The following BAIAP3 variants were observed in gnomAD, a reference collection of about 807,000 sequenced individuals.
The protein encoded by BAIAP3 is BAI1-associated protein 3.
Under a neutral mutation model 149.7 loss-of-function variants are expected in BAIAP3, and 180 were observed. The ratio of observed to expected loss-of-function variants is 1.20; its 90% CI spans 1.07 to 1.36. The LOEUF is 1.36. BAIAP3 is among the 40% of genes most tolerant of loss of function. BAIAP3 has a pLI of 0.00. For synonymous variants in BAIAP3, 845 were observed against 670.7 expected (o/e 1.26, Z -4.02); for missense variants, 1,767 against 1,563.4 (o/e 1.13, Z -2.20).
At chr16:1,339,637 C>T (rs369732219) in intron 5 of BAIAP3, 34 bp downstream of exon 5, 1 of 1,544,532 alleles carries the variant, frequency 6.5e-7, no homozygotes, top group African/African-American at 1.4e-5. Flanking sequence ...CAGACCCTGA[C>T]AGCTTCCCCA....
chr16:1,348,324 G>T (rs373976989), intron 33 of BAIAP3, 23 bp downstream of exon 33: 6 of 1,602,840 alleles, frequency 3.7e-6, no homozygotes, highest in East Asian at 4.5e-5. Context: ...CTGGGTGGAG[G>T]CAGGGGCAGC....
At chr16:1,339,059 C>G (rs2033670748) in intron 3 of BAIAP3, 70 bp downstream of exon 3, 1 of 1,602,492 alleles carries the variant, frequency 6.2e-7, no homozygotes, top group Non-Finnish European at 8.5e-7. Flanking sequence ...CCTCCCCGCT[C>G]CCTCCTGCCC....
At chr16:1,347,469 C>T (rs146389519) in intron 29 of BAIAP3, 76 bp from the exon 30 acceptor site, 264 of 1,577,932 alleles carry the variant, frequency 1.7e-4, no homozygotes, top group Admixed American at 2.4e-4. Flanking sequence ...GGTGGCCCCA[C>T]GGGCAGTCAG....
intron 1 of BAIAP3, chr16:1,336,289 C>T (rs1448872503): frequency 3.0e-6 from 3 of 985,286 alleles, no homozygotes; most frequent in Non-Finnish European, 3.6e-6. Flanking sequence ...GAGGATTTCA[C>T]GACTGGCTGT....
rs1401624755 is a variant in BAIAP3, at chr16:1,348,249, T to C, written c.3303T>C (p.Gly1101=). The change falls in exon 33 of 34, where the codon GGT becomes GGC. Residue 1101 remains glycine, a synonymous_variant. Transcript: ENST00000426824. The part of the protein sequence containing the change: ...TGVARPQVGG[G]ARAGQPVTLH... ...TCGCCCGGCCCCAGGTGGGCGGGGG[T>C]GCAAGGGCTGGGCAGCCTGTCACCC... 3.1e-6 allele frequency: 5 copies of C among 1,602,956 alleles called. No homozygotes were observed. Among genetic ancestry groups the C allele is most frequent in the Non-Finnish European group, 4.2e-6 (5 of 1,177,166 alleles).
rs1157675544 is a variant in BAIAP3, at chr16:1,339,169, C to G, written c.225C>G (p.Pro75=). The change falls in exon 4 of 34, where the codon CCC becomes CCG. Residue 75 remains proline, a synonymous_variant. Coordinates refer to ENST00000426824, the MANE Select transcript of BAIAP3 (RefSeq NM_001199097.2). The part of the protein sequence containing the change: ...GRQGLPCLEV[P]LRSGSPAPPE... ...ACCCTGGGCCCCACACACAGGTCCC[C>G]CTGCGCAGTGGCTCGCCAGCACCCC... 7.0e-6 allele frequency: 11 copies of G among 1,567,614 alleles called. No homozygotes were observed. The highest frequency in any genetic ancestry group is 8.6e-6 in the Non-Finnish European group (10 of 1,157,780).
At chr16:1,347,214 T>C in intron 28 of BAIAP3, 84 bp from the exon 29 acceptor site, 2 of 1,387,222 alleles carry the variant, frequency 1.4e-6, no homozygotes, top group South Asian at 1.3e-5. Context: ...CAGTGCTGCC[T>C]GGGCCCCTTT....
chr16:1,348,322 A>G (rs746202354), intron 33 of BAIAP3, 21 bp downstream of exon 33: 4 of 1,602,520 alleles, frequency 2.5e-6, no homozygotes, highest in Non-Finnish European at 3.4e-6. Context: ...ATCTGGGTGG[A>G]GGCAGGGGCA....
intron 1 of BAIAP3, among the ~76,000 whole-genome samples, chr16:1,334,204 C>G (rs1001664231): frequency 6.6e-6 from 1 of 152,022 alleles, no homozygotes; most frequent in South Asian, 2.1e-4. Context: ...CCCGCAGGTC[C>G]TCGTAAGGCC....
chr16:1,336,351 C>A (rs538849642), intron 1 of BAIAP3: 4 of 985,412 alleles, frequency 4.1e-6, no homozygotes, highest in Non-Finnish European at 4.8e-6. Flanking sequence ...GCCCCCCCAT[C>A]TTTTGGGGGG....
chr16:1,346,334 C>G lies in BAIAP3; in HGVS notation c.2466C>G (p.His822Gln). ...ALDDDLQREA[H>Q]TVTAHLTSKM... ...ACGATGATCTGCAACGGGAGGCCCA[C>G]ACGGTGACAGCGCACCTGACCTCTA... Residue 822 changes from histidine to glutamine, a missense_variant, in exon 25 of 34, where the codon CAC (histidine) becomes CAG (glutamine). Coordinates refer to ENST00000426824, the MANE Select transcript of BAIAP3 (RefSeq NM_001199097.2). The G allele has an allele frequency of 6.2e-7, 1 of 1,604,684 alleles. No homozygotes were observed. Among genetic ancestry groups the G allele is most frequent in the Non-Finnish European group, 8.5e-7 (1 of 1,173,540 alleles).
Position 1,344,456 on chromosome 16 carries a change from G to C in BAIAP3, c.1603-13G>C. ...TGCAATCCACCATGCTGTCTTGGTGGTGTCTGTTGCAGAGAGGCAACCGTG... is the reference window on the plus strand; with the variant it reads ...TGCAATCCACCATGCTGTCTTGGTGCTGTCTGTTGCAGAGAGGCAACCGTG... On this transcript the variant is annotated splice_polypyrimidine_tract_variant and intron_variant, in intron 17 of 33. Coordinates refer to ENST00000426824, the MANE Select transcript of BAIAP3 (RefSeq NM_001199097.2). The C allele has an allele frequency of 6.2e-7, 1 of 1,613,454 alleles. No homozygotes were observed. The highest frequency in any genetic ancestry group is 2.2e-5 in the East Asian group (1 of 44,876).
At chr16:1,334,735 C>T (rs1187272526) in intron 1 of BAIAP3, 2 of 1,552,962 alleles carry the variant, frequency 1.3e-6, no homozygotes, top group Admixed American at 1.9e-5. Flanking sequence ...ATCGGCTTCG[C>T]AGGGGCCATC....
chr16:1,347,580 C>T lies in BAIAP3; in HGVS notation c.2859C>T (p.Ser953=). The change falls in exon 30 of 34, where the codon TCC becomes TCT. Residue 953 remains serine, a synonymous_variant. Transcript: ENST00000426824. ...LKEELRLHKC[S]TRECIEQFYL... ...AGGAGCTGCGGCTGCACAAATGTTCCACCCGCGAGTGCATCGAGCAGTTCT... is the reference window on the plus strand; with the variant it reads ...AGGAGCTGCGGCTGCACAAATGTTCTACCCGCGAGTGCATCGAGCAGTTCT... 2 of 1,612,558 alleles carry T rather than the reference C, an allele frequency of 1.2e-6. No homozygotes were observed. The highest frequency in any genetic ancestry group is 1.3e-5 in the African/African-American group (1 of 75,054).
rs769480375 is a variant in BAIAP3 at position 1,347,944 on chromosome 16, C to T, written c.3076C>T (p.Pro1026Ser). 3.7e-6 allele frequency: 6 copies of T among 1,611,998 alleles called. No homozygotes were observed. The highest frequency in any genetic ancestry group is 3.3e-5 in the Admixed American group (2 of 60,000). ...IVELGPPHLF[P>S]LVRSQRTQVK... ...GGAGCTGGGCCCACCGCATCTCTTT[C>T]CACTGGTCCGCAGCCAGAGGACCCA... Residue 1026 changes from proline to serine, a missense_variant, in exon 32 of 34, where the codon CCA becomes TCA. Transcript: ENST00000426824.
At chr16:1,334,149 T>A (rs2033305245) in intron 1 of BAIAP3, among the ~76,000 whole-genome samples, 1 of 151,300 alleles carries the variant, frequency 6.6e-6, no homozygotes, top group African/African-American at 2.4e-5. Context: ...CCAGCACCCC[T>A]CCCGGGCGGG....
intron 20 of BAIAP3, 56 bp downstream of exon 20, chr16:1,344,905 C>A: frequency 6.2e-7 from 1 of 1,613,632 alleles, no homozygotes; most frequent in Non-Finnish European, 8.5e-7. Flanking sequence ...TGGGCAGATG[C>A]CCTTGGCTAG....
chr16:1,347,033 C>G (rs1174585133), intron 28 of BAIAP3, 78 bp downstream of exon 28: 1 of 1,340,038 alleles, frequency 7.5e-7, no homozygotes, highest in African/African-American at 1.4e-5. Context: ...TCCCCACTGG[C>G]CTGCCTGGTC....
intron 21 of BAIAP3, 40 bp from the exon 22 acceptor site, chr16:1,345,209 T>C (rs1030556281): frequency 9.9e-6 from 16 of 1,610,476 alleles, no homozygotes; most frequent in Non-Finnish European, 1.4e-5. Context: ...GGTTAAGGTG[T>C]CTGAGTCAGG....
Sources: gnomAD v4.1 joint callset for allele counts (sites outside exome capture counted in the v4.1 genomes callset) on GRCh38, gnomAD v4.1.1 for gene constraint, MANE v1.5 for transcripts, NCBI Gene and HGNC (gene_info 2026-07-23, HGNC 2026-07-21) for gene names.